The following DRC8 variants were observed in gnomAD, a reference collection of about 807,000 sequenced individuals.
DRC8 encodes dynein regulatory complex subunit 8.
the DRC8 span, chr1:245,023,177 C>T: frequency 6.6e-6 from 1 of 152,196 alleles, no homozygotes; most frequent in Non-Finnish European, 1.5e-5. Context: ...GTAATGTTCT[C>T]AGGGTTCATC....
chr1:245,122,087 C>T, the DRC8 span: 4,655 of 261,532 alleles, frequency 0.018, 242 homozygotes, highest in African/African-American at 0.12. Flanking sequence ...TTAGTAGAGA[C>T]GGGGTTTCAC....
At chr1:245,028,746 G>C in the DRC8 span, among the ~76,000 whole-genome samples, 1 of 152,188 alleles carries the variant, frequency 6.6e-6, no homozygotes, top group African/African-American at 2.4e-5. Context: ...TAAATCCAAA[G>C]AGAATAAAAT....
the DRC8 span, among the ~76,000 whole-genome samples, chr1:245,060,403 T>A: frequency 6.6e-6 from 1 of 152,110 alleles, no homozygotes; most frequent in Non-Finnish European, 1.5e-5. Context: ...GAAAGATGAG[T>A]CTGCTGCACA....
At chr1:245,102,305 T>C in the DRC8 span, among the ~76,000 whole-genome samples, 1 of 152,090 alleles carries the variant, frequency 6.6e-6, no homozygotes, top group East Asian at 1.9e-4. Context: ...TCTGAATCCA[T>C]TGTAATAATC....
the DRC8 span, among the ~76,000 whole-genome samples, chr1:245,045,990 A>G: frequency 6.6e-6 from 1 of 152,212 alleles, no homozygotes; most frequent in Non-Finnish European, 1.5e-5. Context: ...CTAGGAAGTC[A>G]GTGTGAAATA....
At chr1:245,087,165 A>G in the DRC8 span, 1 of 1,546,096 alleles carries the variant, frequency 6.5e-7, no homozygotes, top group Non-Finnish European at 8.7e-7. Flanking sequence ...GTGGGGCTCC[A>G]TGGCTATTAA....
the DRC8 span, among the ~76,000 whole-genome samples, chr1:244,995,450 T>C: frequency 6.6e-6 from 1 of 152,062 alleles, no homozygotes; most frequent in Non-Finnish European, 1.5e-5. Context: ...CTTGAACTCC[T>C]TGGGCTCAAG....
the DRC8 span, among the ~76,000 whole-genome samples, chr1:245,073,099 G>A: frequency 6.6e-6 from 1 of 152,056 alleles, no homozygotes; most frequent in Non-Finnish European, 1.5e-5. Context: ...ATGAACTTTG[G>A]GTAATAAAGA....
chr1:245,055,407 ACTC>A, the DRC8 span, among the ~76,000 whole-genome samples: 2 of 151,824 alleles, frequency 1.3e-5, no homozygotes, highest in East Asian at 1.9e-4. Context: ...GCAGCCTTGA[ACTC>A]CTCGGCTCAA....
chr1:245,072,583 T>G, the DRC8 span, among the ~76,000 whole-genome samples: 3 of 152,204 alleles, frequency 2.0e-5, no homozygotes, highest in Non-Finnish European at 4.4e-5. Flanking sequence ...GATACTATCA[T>G]GGTGAAGACT....
chr1:245,115,756 A>G, the DRC8 span, among the ~76,000 whole-genome samples: 1 of 152,224 alleles, frequency 6.6e-6, no homozygotes, highest in Non-Finnish European at 1.5e-5. Context: ...AATGATGGAC[A>G]AAGCACTGCT....
At chr1:245,020,351 T>A in the DRC8 span, among the ~76,000 whole-genome samples, 1 of 152,194 alleles carries the variant, frequency 6.6e-6, no homozygotes, top group Non-Finnish European at 1.5e-5. Context: ...CTTCCACCTC[T>A]GAGGGGCAGT....
the DRC8 span, among the ~76,000 whole-genome samples, chr1:245,012,701 A>G: frequency 6.6e-6 from 1 of 152,150 alleles, no homozygotes; most frequent in Non-Finnish European, 1.5e-5. Flanking sequence ...AGAGATCTAT[A>G]AGGGATATAT....
the DRC8 span, among the ~76,000 whole-genome samples, chr1:245,116,491 G>A: frequency 8.5e-5 from 13 of 152,216 alleles, no homozygotes; most frequent in South Asian, 4.2e-4. Context: ...AGGAAGTTTC[G>A]GGTGGAGCTG....
the DRC8 span, among the ~76,000 whole-genome samples, chr1:245,116,669 A>G: frequency 6.6e-6 from 1 of 152,230 alleles, no homozygotes; most frequent in African/African-American, 2.4e-5. Flanking sequence ...TAAGGCTTTC[A>G]GTCACCTTGA....
the DRC8 span, among the ~76,000 whole-genome samples, chr1:245,102,802 C>G: frequency 6.6e-6 from 1 of 152,238 alleles, no homozygotes; most frequent in South Asian, 2.1e-4. Context: ...CTTCACACAT[C>G]CAATCAGATG....
chr1:245,067,129 T>C, the DRC8 span, among the ~76,000 whole-genome samples: 1 of 152,266 alleles, frequency 6.6e-6, no homozygotes, highest in Non-Finnish European at 1.5e-5. Context: ...ATTTATTTAC[T>C]TATTTACTTA....
At chr1:245,074,639 A>G in the DRC8 span, among the ~76,000 whole-genome samples, 27 of 152,334 alleles carry the variant, frequency 1.8e-4, no homozygotes, top group African/African-American at 6.5e-4. Flanking sequence ...CTTGCACTTA[A>G]ATAGGAAAGG....
the DRC8 span, among the ~76,000 whole-genome samples, chr1:245,016,658 A>G: frequency 0.52 from 79,655 of 152,094 alleles, 23,324 homozygotes; most frequent in East Asian, 0.75. Context: ...TAACCTTAGC[A>G]CATTGTAAGT....
Sources: allele counts gnomAD v4.1 joint callset (sites outside exome capture counted in the v4.1 genomes callset), GRCh38; gene constraint gnomAD v4.1.1; transcripts MANE v1.5; gene names NCBI Gene and HGNC (gene_info 2026-07-23, HGNC 2026-07-21).